The following ROCK2 variants were observed in gnomAD, a reference collection of about 807,000 sequenced individuals.
ROCK2 encodes the protein rho-associated protein kinase 2.
In ROCK2, 61 loss-of-function variants were observed where a neutral mutation model predicts 195.1. The observed-to-expected ratio is 0.31, with a 90% confidence interval of 0.25 to 0.39. The LOEUF is 0.39. Among genes scored for constraint, ROCK2 ranks in the 10% least tolerant of loss-of-function variants. The pLI, the probability that ROCK2 is intolerant of heterozygous loss-of-function variation, is 1.00. For missense variants in ROCK2, 1,109 were observed against 1,637.4 expected (o/e 0.68, Z 5.57); for synonymous variants, 504 against 545.5 (o/e 0.92, Z 1.06).
intron 1 of ROCK2, among the ~76,000 whole-genome samples, chr2:11,326,034 G>A (rs1390988384): frequency 5.3e-5 from 8 of 152,108 alleles, no homozygotes; most frequent in Non-Finnish European, 1.0e-4. Flanking sequence ...TGGAGCAATA[G>A]GGGAAAAAAG....
intron 9 of ROCK2, among the ~76,000 whole-genome samples, chr2:11,219,617 T>C (rs1318115517): frequency 6.6e-6 from 1 of 152,152 alleles, no homozygotes; most frequent in African/African-American, 2.4e-5. Context: ...TAAATGAAAC[T>C]ATACTTCCCA....
At chr2:11,305,245 G>A (rs536114732) in intron 1 of ROCK2, among the ~76,000 whole-genome samples, 106 of 152,190 alleles carry the variant, frequency 7.0e-4, no homozygotes, top group African/African-American at 2.4e-3. Context: ...GCATGGTGGC[G>A]CACGCCTGTA....
intron 1 of ROCK2, among the ~76,000 whole-genome samples, chr2:11,334,271 G>A (rs1017171046): frequency 6.6e-6 from 1 of 152,146 alleles, no homozygotes; most frequent in African/African-American, 2.4e-5. Flanking sequence ...CCAGCACTTT[G>A]GGAGGCCAAG....
chr2:11,333,401 T>C (rs1463291065), intron 1 of ROCK2, among the ~76,000 whole-genome samples: 1 of 152,198 alleles, frequency 6.6e-6, no homozygotes, highest in Non-Finnish European at 1.5e-5. Flanking sequence ...CACTCTTCTT[T>C]GTCTGCTAAA....
rs1663865980 is a variant in ROCK2 at position 11,201,917 on chromosome 2, A to G, written c.2619+135T>C. 2 of 639,124 alleles carry G rather than the reference A, an allele frequency of 3.1e-6. No homozygotes were observed. The highest frequency in any genetic ancestry group is 2.4e-5 in the Admixed American group (1 of 42,304). The allele number at this position is 639,124 out of a possible 1,614,324, so 39.6% of individuals were successfully genotyped here. On this transcript the variant is annotated intron_variant, in intron 21 of 32. Coordinates refer to ENST00000315872, the MANE Select transcript of ROCK2 (RefSeq NM_004850.5). This position sits in a 1 kb window ranked among gnomAD's most constrained non-coding sequence, Gnocchi z 4.6. ...TGTGCTTAGAATTATTTTTCTAGCA[A>G]TGATAATAAATTTCTCTTAAACTAT...
chr2:11,340,581 T>G (rs548618962), intron 1 of ROCK2, among the ~76,000 whole-genome samples: 2 of 152,316 alleles, frequency 1.3e-5, no homozygotes, highest in East Asian at 3.9e-4. Context: ...ATAAAATGAT[T>G]TTTAATTTTT....
intron 3 of ROCK2, among the ~76,000 whole-genome samples, chr2:11,260,597 A>G (rs964405646): frequency 2.6e-5 from 4 of 152,194 alleles, no homozygotes; most frequent in Admixed American, 1.3e-4. Context: ...ATACAACATT[A>G]AGAGCCAATT....
chr2:11,260,356 G>A (rs1361797531), intron 3 of ROCK2, among the ~76,000 whole-genome samples: 3 of 149,666 alleles, frequency 2.0e-5, no homozygotes, highest in African/African-American at 4.9e-5. Context: ...GCTGAGGCAG[G>A]AGAATTGCTT....
In ROCK2 at chr2:11,249,649, T is replaced by G; in HGVS notation, c.462+12A>C. On this transcript the variant is annotated intron_variant, in intron 4 of 32. Transcript: ENST00000315872. Reference sequence around the variant, plus strand: ...AAAAAGGAAATAAACTTATAAAAGTTAGTATGCTTACCTGAACCACCCAGG... The same window carrying G: ...AAAAAGGAAATAAACTTATAAAAGTGAGTATGCTTACCTGAACCACCCAGG... 1 of 1,463,244 alleles carries G rather than the reference T, an allele frequency of 6.8e-7. No individual in the cohort carries two copies. The highest frequency in any genetic ancestry group is 9.0e-7 in the Non-Finnish European group (1 of 1,109,378). The allele number at this position is 1,463,244 out of a possible 1,614,324, so 90.6% of individuals were successfully genotyped here.
intron 32 of ROCK2, among the ~76,000 whole-genome samples, chr2:11,188,068 TAAAGAG>T (rs1457191557): frequency 1.3e-5 from 2 of 151,532 alleles, no homozygotes; most frequent in African/African-American, 2.4e-5. Context: ...GAAAAATAAT[TAAAGAG>T]AAATACCCTC....
chr2:11,233,608 A>G (rs1041127539), intron 5 of ROCK2, among the ~76,000 whole-genome samples: 6 of 151,898 alleles, frequency 4.0e-5, no homozygotes, highest in African/African-American at 1.4e-4. Flanking sequence ...ACATCCAAGG[A>G]ATAATAAGGT....
intron 3 of ROCK2, among the ~76,000 whole-genome samples, chr2:11,254,215 G>A (rs779243788): frequency 6.6e-6 from 1 of 152,144 alleles, no homozygotes; most frequent in South Asian, 2.1e-4. Context: ...CAAGGCAACC[G>A]TATTCAGGTT....
chr2:11,286,692 C>A, intron 2 of ROCK2, 53 bp from the exon 3 acceptor site: 1 of 978,926 alleles, frequency 1.0e-6, no homozygotes, highest in South Asian at 1.7e-5. Context: ...TATATTTTTA[C>A]ATAATCAACA....
chr2:11,193,727 GA>G lies in ROCK2; in HGVS notation c.3687+51del. On this transcript the variant is annotated intron_variant, in intron 30 of 32. Transcript: ENST00000315872. Reference sequence around the variant, plus strand: ...ATGTCACTTGAGAACTTCTAAATGTGAAAAAAACAAAACAAAGCCAACCAAC... The same window carrying G: ...ATGTCACTTGAGAACTTCTAAATGTGAAAAAACAAAACAAAGCCAACCAAC... 5 of 1,100,392 alleles carry G rather than the reference GA, an allele frequency of 4.5e-6. No homozygotes were observed. In the South Asian group the frequency reaches 5.7e-5, roughly 13 times the overall value. 68.2% of individuals were successfully genotyped at this position (1,100,392 alleles called of 1,614,324 possible). A position where few individuals can be genotyped will look rare whatever the true frequency, so the allele number is the denominator to read the frequency against.
In ROCK2 at chr2:11,320,400, C is replaced by G. The variant is rs972183810; in HGVS notation, c.141+23596G>C. ...CACTGTCTCGTGGTGCAGCTGTAATCAGCTGGATTGGATCTCACCTAAATA... is the reference window on the plus strand; with the variant it reads ...CACTGTCTCGTGGTGCAGCTGTAATGAGCTGGATTGGATCTCACCTAAATA... On this transcript the variant is annotated intron_variant, in intron 1 of 32. Coordinates refer to ENST00000315872, the MANE Select transcript of ROCK2 (RefSeq NM_004850.5). 3.3e-5 allele frequency among the ~76,000 whole-genome samples: 5 copies of G among 152,292 alleles called. No individual in the cohort carries two copies. In the East Asian group the frequency reaches 9.7e-4, roughly 29 times the overall value.
chr2:11,310,279 T>C (rs1466301521), intron 1 of ROCK2, among the ~76,000 whole-genome samples: 1 of 152,164 alleles, frequency 6.6e-6, no homozygotes, highest in African/African-American at 2.4e-5. Flanking sequence ...CCTCACGGAA[T>C]ACTAAATGAG....
intron 3 of ROCK2, among the ~76,000 whole-genome samples, chr2:11,250,976 C>G (rs1279745645): frequency 6.6e-6 from 1 of 152,136 alleles, no homozygotes; most frequent in African/African-American, 2.4e-5. Flanking sequence ...CTGTAGCTGG[C>G]TCAATCCCTC....
At chr2:11,215,184 A>C in intron 15 of ROCK2, 98 bp from the exon 16 acceptor site, 1 of 1,505,658 alleles carries the variant, frequency 6.6e-7, no homozygotes, top group Admixed American at 2.3e-5. Context: ...ATTTAAAATA[A>C]ACAAAAACCT....
rs1156983946 is a variant in ROCK2, at chr2:11,317,576, T to TTA, written c.141+26418_141+26419dup. Among the ~76,000 whole-genome samples, 152 of 29,570 alleles carry TTA rather than the reference T, an allele frequency of 5.1e-3. 6 individuals carry two copies. The highest frequency in any genetic ancestry group is 0.031 in the Middle Eastern group (1 of 32). 19.4% of individuals were successfully genotyped at this position (29,570 alleles called of 152,430 possible). On this transcript the variant is annotated intron_variant, in intron 1 of 32. Coordinates refer to ENST00000315872, the MANE Select transcript of ROCK2 (RefSeq NM_004850.5). Reference sequence around the variant, plus strand: ...TTTAAAGCCGCCCTGATCTACACATTTATATATATATATATATATATATAT... The same window carrying TTA: ...TTTAAAGCCGCCCTGATCTACACATTTATATATATATATATATATATATATAT...
Sources: gnomAD v4.1 joint callset for allele counts (sites outside exome capture counted in the v4.1 genomes callset) on GRCh38, gnomAD v4.1.1 for gene constraint, Gnocchi (gnomAD v3.1) non-coding constraint, MANE v1.5 for transcripts, NCBI Gene and HGNC (gene_info 2026-07-23, HGNC 2026-07-21) for gene names.